RPS9: variants seen among roughly 807,000 people sequenced by gnomAD.
The protein encoded by RPS9 is small ribosomal subunit protein uS4.
A neutral mutation model predicts 16.9 loss-of-function variants in RPS9; 1 was observed. That is an observed-to-expected ratio of 0.06 (90% CI 0.02 to 0.28). The LOEUF (loss-of-function observed/expected upper bound fraction) is 0.28. Ranked by LOEUF, RPS9 falls within the 10% of genes least tolerant of loss-of-function variation. The probability of loss-of-function intolerance (pLI) is 1.00; values close to 1 mark genes in which losing one functional copy is unlikely to be tolerated. For missense variants in RPS9, 137 were observed against 273.2 expected (o/e 0.50, Z 3.51); for synonymous variants, 106 against 110.9 (o/e 0.96, Z 0.28).
intron 3 of RPS9, among the ~76,000 whole-genome samples, chr19:54,203,589 G>A (rs749204788): frequency 7.2e-5 from 11 of 152,060 alleles, no homozygotes; most frequent in Non-Finnish European, 7.4e-5. Context: ...CCTGGCCAAC[G>A]TGGTGAAATT....
intron 3 of RPS9, chr19:54,201,985 A>G (rs1429200285): frequency 9.1e-6 from 2 of 219,606 alleles, no homozygotes; most frequent in Non-Finnish European, 1.8e-5. Context: ...GGGTTTGCAC[A>G]TTTGCTTGGT....
chr19:54,206,601 C>G (rs967484562), intron 4 of RPS9, 139 bp downstream of exon 4: 1 of 1,552,252 alleles, frequency 6.4e-7, no homozygotes, highest in East Asian at 2.4e-5. Context: ...CAGATTCACC[C>G]TTGCACACAG....
intron 3 of RPS9, chr19:54,202,741 G>A (rs1403142156): frequency 4.1e-6 from 4 of 985,322 alleles, no homozygotes. Context: ...GTGAAAAGCA[G>A]TCTCTACACC....
intron 1 of RPS9, 113 bp downstream of exon 1, chr19:54,201,001 A>G: frequency 6.9e-7 from 1 of 1,441,344 alleles, no homozygotes; most frequent in Non-Finnish European, 9.1e-7. Context: ...GGGTGGTTGA[A>G]CGGGAGTGCA....
At position 54,201,143 on chromosome 19, in the gene RPS9, A is replaced by C. The variant is rs777543423; in HGVS notation, c.-25-17A>C. The C allele has an allele frequency of 3.7e-6, 6 of 1,612,142 alleles. No individual in the cohort carries two copies. Among genetic ancestry groups the C allele is most frequent in the East Asian group, 2.2e-5 (1 of 44,894 alleles). On this transcript the variant is annotated splice_polypyrimidine_tract_variant and intron_variant, in intron 1 of 4. Transcript: ENST00000302907. ...CGCCGTTTGGATCCCTTACGCTCAC[A>C]CTTCTCTCCCGCGCAGGCGCAGACG...
In RPS9 at chr19:54,201,221, T is replaced by G; in HGVS notation, c.37T>G (p.Tyr13Asp). 1 of 1,610,924 alleles carries G rather than the reference T, an allele frequency of 6.2e-7. No homozygotes were observed. The highest frequency in any genetic ancestry group is 8.5e-7 in the Non-Finnish European group (1 of 1,177,640). ...VARSWVCRKT[Y>D]VTPRRPFEKS... ...CCGGAGCTGGGTTTGTCGCAAAACT[T>G]ATGTGACCCCGCGGAGACCCTTCGA... is the stretch of plus-strand genomic sequence containing the variant. The change falls in exon 2 of 5, where the codon TAT becomes GAT. Residue 13 changes from tyrosine (Y) to aspartate (D), a missense_variant. By Grantham distance (160) the Tyr-to-Asp change is radical (BLOSUM62 -3). This residue lies in a region of RPS9 where 64 missense variants were observed against 164.0 expected (regional missense o/e 0.39). Transcript: ENST00000302907.
intron 4 of RPS9, 42 bp downstream of exon 4, chr19:54,206,504 CCT>C (rs2077246819): frequency 6.2e-7 from 1 of 1,610,824 alleles, no homozygotes; most frequent in Non-Finnish European, 8.5e-7. Flanking sequence ...TCCACCTGCC[CCT>C]CTGATGGTTG....
intron 3 of RPS9, among the ~76,000 whole-genome samples, chr19:54,204,782 C>A (rs1262345121): frequency 6.6e-6 from 1 of 152,104 alleles, no homozygotes; most frequent in Non-Finnish European, 1.5e-5. Flanking sequence ...TAAATGGTCC[C>A]AAACTCATTT....
intron 3 of RPS9, among the ~76,000 whole-genome samples, chr19:54,204,205 C>A (rs1292678069): frequency 6.6e-6 from 1 of 152,000 alleles, no homozygotes; most frequent in African/African-American, 2.4e-5. Context: ...AGTGGAGAAA[C>A]CCCTTAGTCT....
At chr19:54,201,351 C>T (rs1600739513) in intron 2 of RPS9, 70 bp downstream of exon 2, 2 of 1,611,746 alleles carry the variant, frequency 1.2e-6, no homozygotes, top group Non-Finnish European at 1.7e-6. Context: ...TGAAGGTGCC[C>T]ATGTACTCTA....
chr19:54,201,291 C>T lies in RPS9; in HGVS notation c.97+10C>T, dbSNP rs375976616. Reference sequence around the variant, plus strand: ...GAGCTGAAGCTGATCGGTGAGTGGCCAAGGCTTCCGGGAAGTGGTTCGGCT... The same window carrying T: ...GAGCTGAAGCTGATCGGTGAGTGGCTAAGGCTTCCGGGAAGTGGTTCGGCT... On this transcript the variant is annotated intron_variant, in intron 2 of 4. Transcript: ENST00000302907. 7 of 1,614,012 alleles carry T rather than the reference C, an allele frequency of 4.3e-6. No individual in the cohort carries two copies. Among genetic ancestry groups the T allele is most frequent in the Middle Eastern group, 3.3e-4 (2 of 6,062 alleles).
At chr19:54,202,304 G>T in intron 3 of RPS9, 1 of 411,936 alleles carries the variant, frequency 2.4e-6, no homozygotes, top group Non-Finnish European at 3.3e-6. Context: ...TCCTGTCTTA[G>T]CCTCCTAAGT....
intron 2 of RPS9, 36 bp downstream of exon 2, chr19:54,201,317 T>C (rs1368451070): frequency 6.2e-7 from 1 of 1,613,414 alleles, no homozygotes; most frequent in Admixed American, 1.7e-5. Flanking sequence ...TGGTTCGGCT[T>C]CCGGGAGGCG....
intron 4 of RPS9, 29 bp from the exon 5 acceptor site, chr19:54,207,369 A>C: frequency 6.3e-7 from 1 of 1,581,468 alleles, no homozygotes; most frequent in Non-Finnish European, 8.6e-7. Context: ...TTTCTCCTCC[A>C]GTCCACCTCA....
chr19:54,207,148 T>G, intron 4 of RPS9: 1 of 532,206 alleles, frequency 1.9e-6, no homozygotes, highest in Non-Finnish European at 3.3e-6. Context: ...TTTGTGGTCT[T>G]AGGTGGGATA....
chr19:54,205,851 C>G (rs1231347281), intron 3 of RPS9, among the ~76,000 whole-genome samples: 1 of 152,184 alleles, frequency 6.6e-6, no homozygotes, highest in Non-Finnish European at 1.5e-5. Context: ...GGGCCTCACT[C>G]TGTCGCCCAG....
chr19:54,203,382 C>G (rs1159595124), intron 3 of RPS9: 1 of 825,040 alleles, frequency 1.2e-6, no homozygotes, highest in African/African-American at 1.9e-5. Flanking sequence ...TCAGATCCTG[C>G]CTTTCCCACT....
intron 4 of RPS9, chr19:54,206,936 T>G (rs2077262275): frequency 2.0e-6 from 1 of 494,044 alleles, no homozygotes; most frequent in Admixed American, 3.7e-5. Context: ...GCGTTTAGAA[T>G]CTTCGCCCCA....
At position 54,206,479 on chromosome 19, in the gene RPS9, G is replaced by T; in HGVS notation, c.407+17G>T. 1 of 1,613,822 alleles carries T rather than the reference G, an allele frequency of 6.2e-7. No individual in the cohort carries two copies. The highest frequency in any genetic ancestry group is 2.2e-5 in the East Asian group (1 of 44,874). ...CCATATCAGGTACCACCTCGGATGG[G>T]CACCTGAATCTTCCTCCACCTGCCC... On this transcript the variant is annotated intron_variant, in intron 4 of 4. Coordinates refer to ENST00000302907, the MANE Select transcript of RPS9 (RefSeq NM_001013.4).
Sources: gnomAD v4.1 joint callset for allele counts (sites outside exome capture counted in the v4.1 genomes callset) on GRCh38, gnomAD v4.1.1 for gene constraint, gnomAD v4.1.1 regional missense constraint, MANE v1.5 for transcripts, NCBI Gene and HGNC (gene_info 2026-07-23, HGNC 2026-07-21) for gene names.